The following EXOC6B variants were observed in gnomAD, a reference collection of about 807,000 sequenced individuals.
The protein encoded by EXOC6B is SEC15 homolog B.
Under a neutral mutation model 113.5 loss-of-function variants are expected in EXOC6B, and 54 were observed. The observed-to-expected ratio is 0.48, with a 90% CI of 0.38 to 0.60. EXOC6B has a LOEUF of 0.60. Ranked by LOEUF, EXOC6B falls within the 20% of genes least tolerant of loss-of-function variation. The pLI, the probability that EXOC6B is intolerant of heterozygous loss-of-function variation, is 0.00. For missense variants in EXOC6B, 797 were observed against 977.5 expected, an observed-to-expected ratio of 0.82 and a Z score of 2.46; for synonymous variants, 357 against 339.0, an observed-to-expected ratio of 1.05 and a Z score of -0.58.
At chr2:72,650,880 T>C (rs923163296) in intron 6 of EXOC6B, among the ~76,000 whole-genome samples, 2 of 133,800 alleles carry the variant, frequency 1.5e-5, no homozygotes, top group Non-Finnish European at 3.2e-5. Flanking sequence ...TGGCAGTTTC[T>C]AAAAAAAAAA....
Position 72,731,820 on chromosome 2 carries a change from C to G in EXOC6B, c.328-575G>C, listed in dbSNP as rs185325219. 3.3e-5 allele frequency among the ~76,000 whole-genome samples: 5 copies of G among 152,148 alleles called. No individual in the cohort carries two copies. The East Asian group carries it at 9.7e-4, about 29-fold the overall frequency. On this transcript the variant is annotated intron_variant, in intron 3 of 21. Transcript: ENST00000272427. ...TGCAGAAAAGAACAAGAGAATGGTC[C>G]TAAGTCACTGATAAAACAATCAAAA...
chr2:72,197,252 C>CA (rs1424879209), intron 20 of EXOC6B, among the ~76,000 whole-genome samples: 3 of 151,978 alleles, frequency 2.0e-5, no homozygotes, highest in Non-Finnish European at 4.4e-5. Flanking sequence ...AAAGAAATCC[C>CA]AAAAAGGTTA....
intron 10 of EXOC6B, among the ~76,000 whole-genome samples, 197 bp from the exon 11 acceptor site, chr2:72,513,449 A>T (rs1701053902): frequency 6.6e-6 from 1 of 152,108 alleles, no homozygotes; most frequent in Non-Finnish European, 1.5e-5. Flanking sequence ...TGACATCTTC[A>T]TAACCACTCC....
intron 5 of EXOC6B, among the ~76,000 whole-genome samples, chr2:72,725,683 C>T (rs932203838): frequency 2.0e-5 from 3 of 152,318 alleles, no homozygotes; most frequent in Middle Eastern, 3.4e-3. Flanking sequence ...TAAGCCACCA[C>T]ACCTGGCCTG....
chr2:72,599,733 G>T (rs1436585703), intron 6 of EXOC6B, among the ~76,000 whole-genome samples: 1 of 151,952 alleles, frequency 6.6e-6, no homozygotes, highest in Non-Finnish European at 1.5e-5. Context: ...ACAAAAGTCA[G>T]TTGCTTTACT....
intron 1 of EXOC6B, among the ~76,000 whole-genome samples, chr2:72,752,491 A>C (rs1173780087): frequency 6.6e-6 from 1 of 151,116 alleles, no homozygotes; most frequent in African/African-American, 2.4e-5. Flanking sequence ...ACTAAATGAA[A>C]ATCTCTCTTC....
chr2:72,584,836 A>G (rs1439441762), intron 6 of EXOC6B, among the ~76,000 whole-genome samples: 2 of 152,262 alleles, frequency 1.3e-5, no homozygotes, highest in East Asian at 3.8e-4. Flanking sequence ...GAATAAAAAC[A>G]GAAATCAATA....
chr2:72,318,109 TATTA>T (rs1687633213), intron 20 of EXOC6B, among the ~76,000 whole-genome samples: 1 of 152,220 alleles, frequency 6.6e-6, no homozygotes, highest in Non-Finnish European at 1.5e-5. Flanking sequence ...GAACACTTTT[TATTA>T]TCAGCATGGG....
At chr2:72,419,511 TTTTG>T in intron 18 of EXOC6B, among the ~76,000 whole-genome samples, 1 of 152,188 alleles carries the variant, frequency 6.6e-6, no homozygotes, top group East Asian at 1.9e-4. Flanking sequence ...GTCCCTCAGC[TTTTG>T]TTTATGTGGG....
chr2:72,539,870 A>C (rs185379982), intron 8 of EXOC6B, among the ~76,000 whole-genome samples: 1 of 151,772 alleles, frequency 6.6e-6, no homozygotes, highest in Non-Finnish European at 1.5e-5. Context: ...ATATGTATAC[A>C]TGTGCCATGC....
intron 18 of EXOC6B, among the ~76,000 whole-genome samples, chr2:72,438,468 C>G (rs1216855030): frequency 2.6e-5 from 4 of 152,232 alleles, no homozygotes; most frequent in Admixed American, 6.5e-5. Context: ...AATTAGTTAA[C>G]TGTCGTGGCA....
intron 8 of EXOC6B, among the ~76,000 whole-genome samples, chr2:72,539,763 CGTGT>C (rs937926097): frequency 6.6e-6 from 1 of 151,598 alleles, no homozygotes; most frequent in Non-Finnish European, 1.5e-5. Context: ...CGCGCGCGCG[CGTGT>C]GTGTAGTCTG....
chr2:72,468,889 A>T (rs1698224250), intron 17 of EXOC6B, among the ~76,000 whole-genome samples: 1 of 152,138 alleles, frequency 6.6e-6, no homozygotes, highest in African/African-American at 2.4e-5. Flanking sequence ...CTTGCATAAT[A>T]ATCTTAAGGT....
At chr2:72,447,032 A>T (rs1696623654) in intron 18 of EXOC6B, among the ~76,000 whole-genome samples, 1 of 151,878 alleles carries the variant, frequency 6.6e-6, no homozygotes, top group South Asian at 2.1e-4. Context: ...TGAACCAGGG[A>T]GTTGGAGGTT....
intron 18 of EXOC6B, among the ~76,000 whole-genome samples, chr2:72,400,062 A>T (rs1693036321): frequency 1.3e-5 from 2 of 152,208 alleles, no homozygotes; most frequent in African/African-American, 4.8e-5. Flanking sequence ...TCAAAACAGC[A>T]TGGTACTGGT....
At chr2:72,304,108 CCAATCTT>C (rs1416911750) in intron 20 of EXOC6B, among the ~76,000 whole-genome samples, 1 of 152,176 alleles carries the variant, frequency 6.6e-6, no homozygotes, top group Non-Finnish European at 1.5e-5. Context: ...TCTCCATTCT[CCAATCTT>C]GGAAATCATT....
In EXOC6B at chr2:72,270,716, TATTTAATA is replaced by T. The variant is rs959316209; in HGVS notation, c.2196+64223_2196+64230del. Among the ~76,000 whole-genome samples, 16 of 152,096 alleles carry T rather than the reference TATTTAATA, an allele frequency of 1.1e-4. No individual in the cohort carries two copies. The South Asian group carries it at 1.5e-3, about 14-fold the overall frequency. On this transcript the variant is annotated intron_variant, in intron 20 of 21. Coordinates refer to ENST00000272427, the MANE Select transcript of EXOC6B (RefSeq NM_015189.3). ...TAGCAGATACAGATTTCTCCTTTAA[TATTTAATA>T]ATTTAATAATTTATTGAAATTAATA...
intron 19 of EXOC6B, among the ~76,000 whole-genome samples, chr2:72,378,236 A>G (rs543826985): frequency 3.9e-5 from 6 of 152,334 alleles, no homozygotes; most frequent in South Asian, 2.1e-4. Flanking sequence ...AGGTCTCTCC[A>G]GTGCTGATTA....
chr2:72,693,298 T>C (rs759814142), intron 6 of EXOC6B, among the ~76,000 whole-genome samples: 24 of 152,228 alleles, frequency 1.6e-4, no homozygotes, highest in Non-Finnish European at 2.5e-4. Flanking sequence ...TTTTTTTTTT[T>C]TCTTTGAGAC....
Sources: allele counts gnomAD v4.1 joint callset (sites outside exome capture counted in the v4.1 genomes callset), GRCh38; gene constraint gnomAD v4.1.1; transcripts MANE v1.5; gene names NCBI Gene and HGNC (gene_info 2026-07-23, HGNC 2026-07-21).